Variants in RNF180 observed in about 807,000 individuals in gnomAD.
The protein encoded by RNF180 is ring finger protein 180.
In RNF180, 38 loss-of-function variants were observed where a neutral mutation model predicts 59.2. That is an observed-to-expected ratio of 0.64 (90% CI 0.50 to 0.84). The LOEUF (loss-of-function observed/expected upper bound fraction) is 0.84, where lower values mean the gene tolerates loss of function less well. RNF180 is among the 40% of genes least tolerant of loss of function. The pLI is 0.00. For synonymous variants in RNF180, 262 were observed against 240.3 expected (o/e 1.09, Z -0.84); for missense variants, 705 against 700.9 (o/e 1.01, Z -0.07).
chr5:64,304,545 T>A (rs543037989), intron 5 of RNF180, among the ~76,000 whole-genome samples: 1 of 151,668 alleles, frequency 6.6e-6, no homozygotes, highest in East Asian at 1.9e-4. Context: ...TAACTGCAGA[T>A]GTGGTGGAAA....
chr5:64,371,045 A>G lies in RNF180; in HGVS notation c.*1231A>G, dbSNP rs1199646504. The G allele has an allele frequency of 6.6e-6, 1 of 151,752 alleles. No homozygotes were observed. The highest frequency in any genetic ancestry group is 2.4e-5 in the African/African-American group (1 of 41,418). The allele number at this position is 151,752 out of a possible 1,614,324, so 9.4% of individuals were successfully genotyped here. A position where few individuals can be genotyped will look rare whatever the true frequency, so the allele number is the denominator to read the frequency against. On this transcript the variant is annotated 3_prime_UTR_variant, in exon 8 of 8. Coordinates refer to ENST00000389100, the MANE Select transcript of RNF180 (RefSeq NM_001113561.2). ...AACAGTTTCAATCTATGAAAAGCCA[A>G]AATTTAAGCTAATTGCTACTAACTG... is the stretch of plus-strand genomic sequence containing the variant.
chr5:64,202,124 A>G (rs1266712982), intron 2 of RNF180, among the ~76,000 whole-genome samples: 4 of 152,222 alleles, frequency 2.6e-5, no homozygotes, highest in Admixed American at 6.5e-5. Context: ...AGATCAAGAT[A>G]TGCATTTGCA....
chr5:64,361,851 A>G (rs544672355), intron 7 of RNF180, among the ~76,000 whole-genome samples: 15 of 151,528 alleles, frequency 9.9e-5, no homozygotes, highest in Non-Finnish European at 1.8e-4. Flanking sequence ...CTATTATGTT[A>G]TCATAATAGT....
In RNF180 at chr5:64,244,322, C is replaced by T. The variant is rs113368596; in HGVS notation, c.1227+26926C>T. ...GCTAAAGGAGCATATTCTAACCCAA[C>T]GCAAGGAAGCTAAGAACCTTGAAAA... On this transcript the variant is annotated intron_variant, in intron 5 of 7. Transcript: ENST00000389100. Among the ~76,000 whole-genome samples, 779 of 151,758 alleles carry T rather than the reference C, an allele frequency of 5.1e-3. 11 individuals carry two copies. The highest frequency in any genetic ancestry group is 0.017 in the African/African-American group (716 of 41,336).
chr5:64,306,091 A>C (rs774014645), intron 5 of RNF180, among the ~76,000 whole-genome samples: 2 of 151,684 alleles, frequency 1.3e-5, no homozygotes, highest in South Asian at 4.1e-4. Flanking sequence ...TCACAGCTGT[A>C]TTGTATTTTT....
intron 5 of RNF180, among the ~76,000 whole-genome samples, chr5:64,262,097 G>A (rs1744373272): frequency 6.6e-6 from 1 of 152,064 alleles, no homozygotes; most frequent in African/African-American, 2.4e-5. Flanking sequence ...ATGACTTTGG[G>A]CAGCTTTTAC....
chr5:64,265,831 A>T (rs1295316590), intron 5 of RNF180, among the ~76,000 whole-genome samples: 1 of 152,096 alleles, frequency 6.6e-6, no homozygotes, highest in African/African-American at 2.4e-5. Context: ...CATTTTCACG[A>T]TACTGATTCT....
At chr5:64,175,971 A>C (rs1302187357) in intron 1 of RNF180, among the ~76,000 whole-genome samples, 1 of 152,124 alleles carries the variant, frequency 6.6e-6, no homozygotes, top group Non-Finnish European at 1.5e-5. Flanking sequence ...AACTTTACTG[A>C]ATTTGGTAAT....
intron 5 of RNF180, among the ~76,000 whole-genome samples, chr5:64,244,502 C>T (rs1185453189): frequency 1.3e-5 from 2 of 151,696 alleles, no homozygotes; most frequent in Non-Finnish European, 2.9e-5. Flanking sequence ...GATTGAAGGT[C>T]AACTTAATGA....
In RNF180 at chr5:64,250,957, C is replaced by A. The variant is rs569168773; in HGVS notation, c.1227+33561C>A. On this transcript the variant is annotated intron_variant, in intron 5 of 7. Transcript: ENST00000389100. ...TGACGAACATAGATGCAAAAATCCT[C>A]AGTAAAATACTAGCAAACTGAAGTC... is the stretch of plus-strand genomic sequence containing the variant. Among the ~76,000 whole-genome samples, 81 of 152,218 alleles carry A rather than the reference C, an allele frequency of 5.3e-4. No homozygotes were observed. The South Asian group carries it at 0.016, about 30-fold the overall frequency.
chr5:64,233,959 G>A (rs186119601), intron 5 of RNF180, among the ~76,000 whole-genome samples: 162 of 152,152 alleles, frequency 1.1e-3, no homozygotes, highest in Non-Finnish European at 4.4e-4. Context: ...CATACTACAT[G>A]GCTTGTAAGT....
intron 7 of RNF180, among the ~76,000 whole-genome samples, chr5:64,341,896 G>A (rs1305182425): frequency 6.6e-6 from 1 of 152,158 alleles, no homozygotes; most frequent in East Asian, 1.9e-4. Context: ...TTGAGACACA[G>A]TAGCAAAAGG....
intron 5 of RNF180, among the ~76,000 whole-genome samples, chr5:64,222,800 C>T (rs1741427135): frequency 6.6e-6 from 1 of 152,186 alleles, no homozygotes; most frequent in South Asian, 2.1e-4. Context: ...TAAATGAAGA[C>T]AAATATGCTA....
At chr5:64,194,811 T>C (rs557857781) in intron 1 of RNF180, among the ~76,000 whole-genome samples, 1 of 152,362 alleles carries the variant, frequency 6.6e-6, no homozygotes, top group South Asian at 2.1e-4. Flanking sequence ...TTTTGAGAAG[T>C]GTCTGTTCAT....
chr5:64,277,368 A>G (rs1193611974), intron 5 of RNF180, among the ~76,000 whole-genome samples: 2 of 152,156 alleles, frequency 1.3e-5, no homozygotes, highest in African/African-American at 2.4e-5. Flanking sequence ...GAAAAGATTG[A>G]TCAATATATG....
chr5:64,211,084 CCTT>C, intron 2 of RNF180, among the ~76,000 whole-genome samples: 1 of 152,206 alleles, frequency 6.6e-6, no homozygotes, highest in East Asian at 1.9e-4. Flanking sequence ...CTGGTGGTAT[CCTT>C]CTTTCAGAGC....
chr5:64,331,855 T>G (rs1236160429), intron 7 of RNF180, among the ~76,000 whole-genome samples: 1 of 152,142 alleles, frequency 6.6e-6, no homozygotes, highest in Non-Finnish European at 1.5e-5. Flanking sequence ...ACACCCTCCT[T>G]GGGGTTCTGC....
intron 1 of RNF180, among the ~76,000 whole-genome samples, chr5:64,169,147 G>C (rs1226354211): frequency 6.6e-6 from 1 of 152,174 alleles, no homozygotes; most frequent in East Asian, 1.9e-4. Flanking sequence ...TACAGTTTCA[G>C]ACTGATTATG....
chr5:64,308,438 T>A (rs573013454), intron 5 of RNF180, among the ~76,000 whole-genome samples: 2 of 151,898 alleles, frequency 1.3e-5, no homozygotes, highest in South Asian at 2.1e-4. Flanking sequence ...CAGGTCACAG[T>A]TTTTGCATTT....
Sources: gnomAD v4.1 joint callset for allele counts (sites outside exome capture counted in the v4.1 genomes callset) on GRCh38, gnomAD v4.1.1 for gene constraint, MANE v1.5 for transcripts, NCBI Gene and HGNC (gene_info 2026-07-23, HGNC 2026-07-21) for gene names.